Variants in FAM13C observed in about 807,000 individuals in gnomAD.
FAM13C encodes protein FAM13C.
In FAM13C, 37 loss-of-function variants were observed where a neutral mutation model predicts 73.2. The observed-to-expected ratio is 0.51, with a 90% CI of 0.39 to 0.67. The LOEUF (loss-of-function observed/expected upper bound fraction) is 0.67, where lower values mean the gene tolerates loss of function less well. Ranked by LOEUF, FAM13C falls within the 30% of genes least tolerant of loss-of-function variation. The pLI, the probability that FAM13C is intolerant of heterozygous loss-of-function variation, is 0.00. For synonymous variants in FAM13C, 246 were observed against 260.9 expected, an observed-to-expected ratio of 0.94 and a Z score of 0.55; for missense variants, 589 against 715.6, an observed-to-expected ratio of 0.82 and a Z score of 2.02.
At chr10:59,261,871 G>C (rs1164923823) in intron 10 of FAM13C, among the ~76,000 whole-genome samples, 1 of 151,702 alleles carries the variant, frequency 6.6e-6, no homozygotes, top group Non-Finnish European at 1.5e-5. Flanking sequence ...TGAGCTCCAG[G>C]CTCATATATT....
At chr10:59,330,039 T>C (rs1430943679) in intron 3 of FAM13C, among the ~76,000 whole-genome samples, 1 of 152,216 alleles carries the variant, frequency 6.6e-6, no homozygotes, top group Non-Finnish European at 1.5e-5. Flanking sequence ...TATTGAGTAT[T>C]TCCATTCACC....
chr10:59,297,858 T>G (rs1180482193), intron 5 of FAM13C, among the ~76,000 whole-genome samples: 2 of 151,800 alleles, frequency 1.3e-5, no homozygotes, highest in African/African-American at 2.4e-5. Context: ...GAAACATACC[T>G]GGGGGAGACA....
At position 59,268,536 on chromosome 10, in the gene FAM13C, A is replaced by G. The variant is rs183910032; in HGVS notation, c.942+17T>C. On this transcript the variant is annotated intron_variant, in intron 8 of 13. Transcript: ENST00000618804. Reference sequence around the variant, plus strand: ...CTCTGACCAATCCGCTCCTATGTCAAACCCCAGGGTTCTTACCCGGTATTT... The same window carrying G: ...CTCTGACCAATCCGCTCCTATGTCAGACCCCAGGGTTCTTACCCGGTATTT... The G allele has an allele frequency of 4.7e-5, 76 of 1,613,368 alleles. No homozygotes were observed. The highest frequency in any genetic ancestry group is 1.8e-4 in the Admixed American group (11 of 59,990).
intron 7 of FAM13C, 41 bp from the exon 8 acceptor site, chr10:59,268,732 G>T (rs1402296000): frequency 6.3e-7 from 1 of 1,596,218 alleles, no homozygotes; most frequent in Non-Finnish European, 8.5e-7. Context: ...AAAAACAGTG[G>T]GCTTCCAGTA....
At chr10:59,315,588 C>T (rs1454590499) in intron 4 of FAM13C, among the ~76,000 whole-genome samples, 1 of 152,102 alleles carries the variant, frequency 6.6e-6, no homozygotes, top group Non-Finnish European at 1.5e-5. Flanking sequence ...GTGTCAGAGT[C>T]CCTGACATGA....
rs867028366 is a variant in FAM13C, at chr10:59,324,057, C to T, written c.374G>A (p.Gly125Glu). Residue 125 changes from glycine (G) to glutamate (E), a missense_variant, in exon 4 of 14, where the codon GGA becomes GAA. Transcript: ENST00000618804. ...TTGTGGACTCTCATGAGCTGGTGTT[C>T]CTGCTCTCACCTGACACTCTGACTG... is the stretch of plus-strand genomic sequence containing the variant. Reference protein sequence around the residue: ...SSQSECQVRAGTPAHESPQNN... With the variant: ...SSQSECQVRAETPAHESPQNN... 1 of 1,614,050 alleles carries T rather than the reference C, an allele frequency of 6.2e-7. No homozygotes were observed. Among genetic ancestry groups the T allele is most frequent in the South Asian group, 1.1e-5 (1 of 91,074 alleles).
At chr10:59,278,156 G>A (rs1313705541) in intron 6 of FAM13C, among the ~76,000 whole-genome samples, 1 of 152,080 alleles carries the variant, frequency 6.6e-6, no homozygotes. Flanking sequence ...ACTATCACGA[G>A]AGCAGCATGG....
At chr10:59,327,941 G>C (rs959042468) in intron 3 of FAM13C, among the ~76,000 whole-genome samples, 14 of 152,202 alleles carry the variant, frequency 9.2e-5, no homozygotes, top group Non-Finnish European at 1.2e-4. Flanking sequence ...CAAGGGGACT[G>C]AGGGAAGAAG....
intron 4 of FAM13C, among the ~76,000 whole-genome samples, chr10:59,306,829 G>A (rs891731248): frequency 9.2e-5 from 14 of 152,206 alleles, no homozygotes; most frequent in African/African-American, 3.4e-4. Context: ...AGCTGAGATC[G>A]TGCCACTGCA....
chr10:59,317,304 C>T (rs144756964), intron 4 of FAM13C, among the ~76,000 whole-genome samples: 1 of 152,214 alleles, frequency 6.6e-6, no homozygotes, highest in Non-Finnish European at 1.5e-5. Context: ...GAACACTTAA[C>T]CAGCTGGTCA....
intron 1 of FAM13C, among the ~76,000 whole-genome samples, chr10:59,359,075 A>C (rs1233178552): frequency 6.6e-6 from 1 of 152,184 alleles, no homozygotes; most frequent in African/African-American, 2.4e-5. Context: ...TTTGCTTCCT[A>C]TTTGAACTTT....
rs1269008626 is a variant in FAM13C, at chr10:59,357,068, G to T, written c.63-1125C>A. 2.0e-5 allele frequency among the ~76,000 whole-genome samples: 3 copies of T among 152,108 alleles called. No individual in the cohort carries two copies. The East Asian group carries it at 5.8e-4, about 29-fold the overall frequency. On this transcript the variant is annotated intron_variant, in intron 1 of 13. Coordinates refer to ENST00000618804, the MANE Select transcript of FAM13C (RefSeq NM_198215.4). ...CCACAGACTGAAGGCTGCACTGTTG[G>T]CTTCCCTACTTTTGAGGTTTTGGGA...
intron 10 of FAM13C, among the ~76,000 whole-genome samples, chr10:59,260,959 T>C (rs1038873808): frequency 6.6e-6 from 1 of 152,204 alleles, no homozygotes; most frequent in African/African-American, 2.4e-5. Flanking sequence ...AGTGGCTGGT[T>C]CAAGTGCTGA....
At chr10:59,290,591 G>A (rs564151903) in intron 5 of FAM13C, among the ~76,000 whole-genome samples, 1 of 152,070 alleles carries the variant, frequency 6.6e-6, no homozygotes, top group South Asian at 2.1e-4. Context: ...GTTGTTTCTC[G>A]GCCAAGATCC....
intron 1 of FAM13C, among the ~76,000 whole-genome samples, chr10:59,359,594 T>C (rs1856140123): frequency 6.6e-6 from 1 of 152,206 alleles, no homozygotes; most frequent in South Asian, 2.1e-4. Context: ...AACAGAAGTC[T>C]CCAGCCCCAC....
At chr10:59,268,525 C>G in intron 8 of FAM13C, 28 bp downstream of exon 8, 1 of 1,612,274 alleles carries the variant, frequency 6.2e-7, no homozygotes, top group Non-Finnish European at 8.5e-7. Context: ...GACCAATCCG[C>G]TCCTATGTCA....
At chr10:59,351,086 C>G (rs1227450266) in intron 3 of FAM13C, among the ~76,000 whole-genome samples, 2 of 151,984 alleles carry the variant, frequency 1.3e-5, no homozygotes, top group African/African-American at 4.8e-5. Flanking sequence ...TTTCACAACC[C>G]GAGCACTTTG....
intron 4 of FAM13C, among the ~76,000 whole-genome samples, chr10:59,320,298 C>G (rs1425749811): frequency 6.6e-6 from 1 of 152,144 alleles, no homozygotes; most frequent in African/African-American, 2.4e-5. Context: ...TGTCTCCACA[C>G]CAGATACACC....
intron 4 of FAM13C, among the ~76,000 whole-genome samples, chr10:59,308,088 G>A (rs1018276042): frequency 2.6e-5 from 4 of 152,228 alleles, no homozygotes; most frequent in Non-Finnish European, 4.4e-5. Context: ...TGCCGCCTGT[G>A]TCCAAAACAA....
Sources: allele counts gnomAD v4.1 joint callset (sites outside exome capture counted in the v4.1 genomes callset), GRCh38; gene constraint gnomAD v4.1.1; transcripts MANE v1.5; gene names NCBI Gene and HGNC (gene_info 2026-07-23, HGNC 2026-07-21).